The following SLC44A5 variants were observed in gnomAD, a reference collection of about 807,000 sequenced individuals.
SLC44A5 encodes choline transporter-like protein 5.
Under a neutral mutation model 101.8 loss-of-function variants are expected in SLC44A5, and 57 were observed. The observed-to-expected ratio is 0.56, with a 90% CI of 0.45 to 0.70. The LOEUF is 0.70. Ranked by LOEUF, SLC44A5 falls within the 30% of genes least tolerant of loss-of-function variation. The pLI, the probability that SLC44A5 is intolerant of heterozygous loss-of-function variation, is 0.00. For missense variants in SLC44A5, 737 were observed against 853.1 expected, an observed-to-expected ratio of 0.86 and a Z score of 1.70; for synonymous variants, 281 against 290.9, an observed-to-expected ratio of 0.97 and a Z score of 0.35.
At chr1:75,446,005 C>CAA (rs1399066530) in intron 2 of SLC44A5, among the ~76,000 whole-genome samples, 1 of 152,068 alleles carries the variant, frequency 6.6e-6, no homozygotes. Context: ...GCTCTACCTC[C>CAA]AAAACAAACT....
chr1:75,549,286 G>T (rs1671813431), intron 1 of SLC44A5, among the ~76,000 whole-genome samples: 1 of 152,056 alleles, frequency 6.6e-6, no homozygotes, highest in East Asian at 1.9e-4. Flanking sequence ...ACTGTATGTT[G>T]TTCTTACCAA....
At chr1:75,219,105 C>T (rs925293039) in intron 16 of SLC44A5, 152 bp downstream of exon 16, 1 of 644,472 alleles carries the variant, frequency 1.6e-6, no homozygotes, top group African/African-American at 1.8e-5. Flanking sequence ...TACTCTCCTG[C>T]TTACCTGATG....
chr1:75,683,837 T>C, the SLC44A5 span, among the ~76,000 whole-genome samples: 2 of 152,036 alleles, frequency 1.3e-5, no homozygotes, highest in East Asian at 1.9e-4. Context: ...ATTTCCTCTA[T>C]AAAGACATGT....
At chr1:75,378,861 C>T (rs796735997) in intron 3 of SLC44A5, among the ~76,000 whole-genome samples, 3,486 of 63,610 alleles carry the variant, frequency 0.055, 145 homozygotes, top group South Asian at 0.1. Context: ...CAGTATCGGC[C>T]ACCCCCAGAA....
chr1:75,262,511 T>A (rs1650610203), intron 6 of SLC44A5, among the ~76,000 whole-genome samples: 1 of 152,234 alleles, frequency 6.6e-6, no homozygotes, highest in Middle Eastern at 3.2e-3. Flanking sequence ...AAATATTTCA[T>A]GCTTATGGAT....
upstream of SLC44A5, among the ~76,000 whole-genome samples, chr1:75,614,629 T>G (rs1401863669): frequency 6.6e-6 from 1 of 152,210 alleles, no homozygotes; most frequent in Non-Finnish European, 1.5e-5. Flanking sequence ...TGAGCGCTGC[T>G]GTAGTCCAAG....
intron 1 of SLC44A5, among the ~76,000 whole-genome samples, chr1:75,577,720 ATT>A (rs544133779): frequency 2.6e-5 from 4 of 152,276 alleles, no homozygotes; most frequent in African/African-American, 9.6e-5. Flanking sequence ...TAAAATATAA[ATT>A]CTCTGAGAGC....
chr1:75,288,102 G>GC (rs1277913596), intron 5 of SLC44A5, among the ~76,000 whole-genome samples: 3 of 150,876 alleles, frequency 2.0e-5, no homozygotes, highest in African/African-American at 7.3e-5. Flanking sequence ...TCAGCAGCAA[G>GC]CCCAAAAAAA....
the SLC44A5 span, among the ~76,000 whole-genome samples, chr1:75,643,813 AC>A: frequency 3.9e-5 from 6 of 152,288 alleles, no homozygotes; most frequent in East Asian, 3.9e-4. Context: ...AGTCCATTAA[AC>A]CTCTTTTCTT....
At chr1:75,310,481 A>G (rs185004357) in intron 4 of SLC44A5, among the ~76,000 whole-genome samples, 183 of 152,280 alleles carry the variant, frequency 1.2e-3, no homozygotes, top group Admixed American at 1.6e-3. Flanking sequence ...CCTGTGTCTC[A>G]TGACCATCCC....
In SLC44A5 at chr1:75,344,054, A is replaced by G. The variant is rs560790895; in HGVS notation, c.53-4424T>C. Among the ~76,000 whole-genome samples the G allele has an allele frequency of 7.2e-5, 11 of 151,940 alleles. No homozygotes were observed. In the South Asian group the frequency reaches 2.3e-3, roughly 32 times the overall value. On this transcript the variant is annotated intron_variant, in intron 3 of 23. Transcript: ENST00000370859. ...TACTATGTATGGTTCCCCCCTTTTC[A>G]TATTCATATTCTGTTCCCTCTGAGC... is the stretch of plus-strand genomic sequence containing the variant.
At chr1:75,444,462 A>T (rs1191621335) in intron 2 of SLC44A5, among the ~76,000 whole-genome samples, 2 of 136,834 alleles carry the variant, frequency 1.5e-5, no homozygotes, top group African/African-American at 2.7e-5. Context: ...AAAGAAAAAG[A>T]AAAAAAGAAA....
intron 4 of SLC44A5, among the ~76,000 whole-genome samples, chr1:75,302,835 G>A (rs981728682): frequency 2.6e-5 from 4 of 152,172 alleles, no homozygotes; most frequent in African/African-American, 9.7e-5. Context: ...TAGGTGGCCT[G>A]GATAACGTGG....
chr1:75,490,047 A>T (rs1049509555), intron 2 of SLC44A5, among the ~76,000 whole-genome samples: 4 of 87,572 alleles, frequency 4.6e-5, no homozygotes, highest in African/African-American at 8.7e-5. Flanking sequence ...TTGTAAAATT[A>T]AAAAAAAATA....
At chr1:75,594,191 C>T (rs1223471128) in intron 1 of SLC44A5, among the ~76,000 whole-genome samples, 4 of 151,730 alleles carry the variant, frequency 2.6e-5, no homozygotes, top group East Asian at 1.9e-4. Flanking sequence ...TCTCCAGTTG[C>T]GTCATTTAAA....
At chr1:75,403,306 A>G (rs1278714458) in intron 2 of SLC44A5, among the ~76,000 whole-genome samples, 3 of 152,144 alleles carry the variant, frequency 2.0e-5, no homozygotes, top group African/African-American at 7.2e-5. Context: ...GCTGGCTCTG[A>G]AGAGAGCAGC....
chr1:75,643,122 TC>T, the SLC44A5 span, among the ~76,000 whole-genome samples: 2 of 152,182 alleles, frequency 1.3e-5, no homozygotes, highest in Non-Finnish European at 2.9e-5. Flanking sequence ...CATTCAACCA[TC>T]TTTGGAAAGA....
Position 75,274,997 on chromosome 1 carries a change from C to A in SLC44A5, c.221G>T (p.Ser74Ile), listed in dbSNP as rs1367903347. The A allele has an allele frequency of 1.2e-6, 2 of 1,612,848 alleles. No homozygotes were observed. The highest frequency in any genetic ancestry group is 2.2e-5 in the East Asian group (1 of 44,856). The change falls in exon 6 of 24, where the codon AGC becomes ATC. Residue 74 changes from serine to isoleucine, a missense_variant. Coordinates refer to ENST00000370859, the MANE Select transcript of SLC44A5 (RefSeq NM_001130058.2). ...CTTCTGGCCACAAAAGTGGCCCTGG[C>A]TGTCTGTAGGATAGGCTGCTCTTCT... ...DPRRAAYPTD[S>I]QGHFCGQKGT... is the part of the protein sequence containing the mutation.
intron 2 of SLC44A5, among the ~76,000 whole-genome samples, chr1:75,468,147 T>A (rs996033636): frequency 6.6e-6 from 1 of 152,134 alleles, no homozygotes; most frequent in Non-Finnish European, 1.5e-5. Context: ...TAAAATGGCT[T>A]ATGTCCAAAA....
Sources: allele counts gnomAD v4.1 joint callset (sites outside exome capture counted in the v4.1 genomes callset), GRCh38; gene constraint gnomAD v4.1.1; transcripts MANE v1.5; gene names NCBI Gene and HGNC (gene_info 2026-07-23, HGNC 2026-07-21).